CAMSAP2: variants seen among roughly 807,000 people sequenced by gnomAD.
The protein encoded by CAMSAP2 is calmodulin-regulated spectrin-associated protein 2.
Under a neutral mutation model 146.1 loss-of-function variants are expected in CAMSAP2, and 26 were observed. The observed-to-expected ratio is 0.18, with a 90% confidence interval of 0.13 to 0.25. The LOEUF (loss-of-function observed/expected upper bound fraction) is 0.25, where lower values mean the gene tolerates loss of function less well. Among genes scored for constraint, CAMSAP2 ranks in the 10% least tolerant of loss-of-function variants. The pLI is 1.00. For missense variants in CAMSAP2, 1,381 were observed against 1,759.3 expected (o/e 0.78, Z 3.85); for synonymous variants, 499 against 596.6 (o/e 0.84, Z 2.38).
At chr1:200,852,295 TG>T (rs1667640518) in intron 11 of CAMSAP2, among the ~76,000 whole-genome samples, 1 of 152,236 alleles carries the variant, frequency 6.6e-6, no homozygotes, top group African/African-American at 2.4e-5. Flanking sequence ...GGTTGTTCTT[TG>T]CAAATCTCAT....
intron 2 of CAMSAP2, among the ~76,000 whole-genome samples, chr1:200,779,233 G>A (rs148719563): frequency 2.0e-5 from 3 of 152,260 alleles, no homozygotes; most frequent in East Asian, 3.9e-4. Context: ...TGATGAATGT[G>A]TAGGACCTCC....
intron 1 of CAMSAP2, among the ~76,000 whole-genome samples, chr1:200,747,887 T>C (rs1417700253): frequency 6.7e-6 from 1 of 149,010 alleles, no homozygotes; most frequent in South Asian, 2.1e-4. Flanking sequence ...CTTGGGAGGC[T>C]GAGGCAGGAG....
intron 7 of CAMSAP2, among the ~76,000 whole-genome samples, chr1:200,844,558 A>G (rs1338089195): frequency 6.6e-6 from 1 of 152,118 alleles, no homozygotes; most frequent in African/African-American, 2.4e-5. Flanking sequence ...AAAAAAAAGA[A>G]AGAAAATTTT....
chr1:200,789,713 A>C (rs1665694875), intron 2 of CAMSAP2, among the ~76,000 whole-genome samples: 1 of 152,196 alleles, frequency 6.6e-6, no homozygotes, highest in African/African-American at 2.4e-5. Flanking sequence ...TGGAATTTTT[A>C]CTGGGATTGC....
intron 2 of CAMSAP2, among the ~76,000 whole-genome samples, chr1:200,771,844 C>T (rs1224686803): frequency 2.0e-5 from 3 of 152,196 alleles, no homozygotes; most frequent in African/African-American, 7.2e-5. Flanking sequence ...CGGTGCTGCT[C>T]AATTTCCATG....
chr1:200,752,863 C>T (rs57848955), intron 1 of CAMSAP2, among the ~76,000 whole-genome samples: 425 of 152,130 alleles, frequency 2.8e-3, no homozygotes, highest in African/African-American at 9.3e-3. Context: ...GTGATCCACC[C>T]GCCTCGGCCT....
At chr1:200,773,616 T>G (rs1665179029) in intron 2 of CAMSAP2, among the ~76,000 whole-genome samples, 1 of 152,112 alleles carries the variant, frequency 6.6e-6, no homozygotes, top group Non-Finnish European at 1.5e-5. Context: ...TAAATTTAAA[T>G]AGATGGTATA....
chr1:200,789,016 T>G (rs1665673839), intron 2 of CAMSAP2, among the ~76,000 whole-genome samples: 1 of 152,080 alleles, frequency 6.6e-6, no homozygotes, highest in Admixed American at 6.6e-5. Context: ...TTTGTTAAGG[T>G]TGTTGGCCTG....
chr1:200,818,590 A>T (rs1286277296), intron 4 of CAMSAP2, among the ~76,000 whole-genome samples: 1 of 152,036 alleles, frequency 6.6e-6, no homozygotes, highest in Non-Finnish European at 1.5e-5. Context: ...GGGTTAATTT[A>T]ACATAATCTT....
At chr1:200,781,067 G>A (rs977840508) in intron 2 of CAMSAP2, among the ~76,000 whole-genome samples, 1 of 152,160 alleles carries the variant, frequency 6.6e-6, no homozygotes, top group African/African-American at 2.4e-5. Flanking sequence ...GGAATTTTTT[G>A]AGTGTTAATT....
chr1:200,801,769 A>G (rs1416946712), intron 2 of CAMSAP2, among the ~76,000 whole-genome samples: 2 of 152,166 alleles, frequency 1.3e-5, no homozygotes, highest in Admixed American at 1.3e-4. Flanking sequence ...AGTTACCTAT[A>G]AGCTAAAAGC....
In CAMSAP2 at chr1:200,832,053, G is replaced by A. The variant is rs536896187; in HGVS notation, c.646-147G>A. ...GTATTTAACTTTGGTAATACCTAGC[G>A]TTATTTAGAAAAAAAGAAATATTGG... On this transcript the variant is annotated intron_variant, in intron 4 of 16. Transcript: ENST00000358823. The surrounding 1 kb of genome is among the most constrained non-coding windows in gnomAD (Gnocchi z 4.2). 5.8e-5 allele frequency: 37 copies of A among 640,730 alleles called. No individual in the cohort carries two copies. Among genetic ancestry groups the A allele is most frequent in the Admixed American group, 2.6e-4 (8 of 30,474 alleles). 39.7% of individuals were successfully genotyped at this position (640,730 alleles called of 1,614,324 possible).
At chr1:200,821,751 G>A (rs939946253) in intron 4 of CAMSAP2, among the ~76,000 whole-genome samples, 1 of 152,004 alleles carries the variant, frequency 6.6e-6, no homozygotes, top group Non-Finnish European at 1.5e-5. Context: ...CCTAGAGTAC[G>A]TCCCTGTTCT....
At chr1:200,820,157 T>C (rs1440724550) in intron 4 of CAMSAP2, among the ~76,000 whole-genome samples, 1 of 150,046 alleles carries the variant, frequency 6.7e-6, no homozygotes. Context: ...GCCTCCTGGG[T>C]TCAAGCAATT....
intron 4 of CAMSAP2, among the ~76,000 whole-genome samples, chr1:200,820,143 TTTGGCCTCC>T (rs1666711225): frequency 6.6e-6 from 1 of 151,710 alleles, no homozygotes; most frequent in African/African-American, 2.4e-5. Flanking sequence ...TCATTGCAAC[TTTGGCCTCC>T]TGGGTTCAAG....
intron 3 of CAMSAP2, among the ~76,000 whole-genome samples, chr1:200,809,688 G>T (rs6658568): frequency 6.6e-6 from 1 of 152,196 alleles, no homozygotes; most frequent in Non-Finnish European, 1.5e-5. Flanking sequence ...CCGAGATCGC[G>T]CCAGTGCACT....
At chr1:200,851,723 A>G (rs1667623865) in intron 11 of CAMSAP2, among the ~76,000 whole-genome samples, 1 of 152,102 alleles carries the variant, frequency 6.6e-6, no homozygotes. Flanking sequence ...GGTACCATAT[A>G]TTTTAATATA....
At chr1:200,814,963 CT>C (rs551666351) in intron 3 of CAMSAP2, among the ~76,000 whole-genome samples, 122 of 145,156 alleles carry the variant, frequency 8.4e-4, no homozygotes, top group Non-Finnish European at 8.7e-4. Flanking sequence ...ACCATGTAGA[CT>C]TTTTTTTTTT....
At chr1:200,750,622 T>G (rs1315911731) in intron 1 of CAMSAP2, among the ~76,000 whole-genome samples, 1 of 124,756 alleles carries the variant, frequency 8.0e-6, no homozygotes, top group African/African-American at 3.1e-5. Flanking sequence ...GATAGATAGA[T>G]ACATCTTTTT....
Sources: allele counts gnomAD v4.1 joint callset (sites outside exome capture counted in the v4.1 genomes callset), GRCh38; gene constraint gnomAD v4.1.1; non-coding constraint Gnocchi (gnomAD v3.1); transcripts MANE v1.5; gene names NCBI Gene and HGNC (gene_info 2026-07-23, HGNC 2026-07-21).